The following RGS22 variants were observed in gnomAD, a reference collection of about 807,000 sequenced individuals.
The protein encoded by RGS22 is regulator of G-protein signaling 22.
A neutral mutation model predicts 172.9 loss-of-function variants in RGS22; 148 were observed. The observed-to-expected ratio is 0.86, with a 90% confidence interval of 0.75 to 0.98. The LOEUF is 0.98. Ranked by LOEUF, RGS22 falls within the 50% of genes least tolerant of loss-of-function variation. The probability of loss-of-function intolerance (pLI) is 0.00; values close to 1 mark genes in which losing one functional copy is unlikely to be tolerated. For synonymous variants in RGS22, 458 were observed against 480.2 expected (o/e 0.95, Z 0.60); for missense variants, 1,347 against 1,440.8 (o/e 0.93, Z 1.05).
chr8:100,073,026 G>A (rs1811099016), intron 4 of RGS22, among the ~76,000 whole-genome samples: 1 of 152,152 alleles, frequency 6.6e-6, no homozygotes. Flanking sequence ...CAGAATTACT[G>A]AAGAGTTACT....
At chr8:100,073,322 T>C (rs537415596) in intron 4 of RGS22, among the ~76,000 whole-genome samples, 3 of 152,166 alleles carry the variant, frequency 2.0e-5, no homozygotes, top group African/African-American at 7.2e-5. Context: ...AATGTGCTGA[T>C]GCTCATGAGG....
Position 100,062,549 on chromosome 8 carries a change from G to T in RGS22, c.1514+42C>A, listed in dbSNP as rs780357409. ...AAAAAAAGTATAACTCATAACTGGC[G>T]TAAGGAAAGTGAAAGTAAGTAACTG... is the stretch of plus-strand genomic sequence containing the variant. On this transcript the variant is annotated intron_variant, in intron 9 of 27. Transcript: ENST00000360863. The T allele has an allele frequency of 3.0e-6, 4 of 1,353,224 alleles. No individual in the cohort carries two copies. The African/African-American group carries it at 4.4e-5, about 15-fold the overall frequency. 83.8% of individuals were successfully genotyped at this position (1,353,224 alleles called of 1,614,324 possible). A position where few individuals can be genotyped will look rare whatever the true frequency, so the allele number is the denominator to read the frequency against.
chr8:100,020,129 C>A (rs1005053471), intron 14 of RGS22, among the ~76,000 whole-genome samples: 1 of 152,074 alleles, frequency 6.6e-6, no homozygotes, highest in Non-Finnish European at 1.5e-5. Flanking sequence ...GGTGATCCAC[C>A]CGCCTCGGCC....
intron 14 of RGS22, among the ~76,000 whole-genome samples, chr8:100,022,847 C>T (rs906656453): frequency 6.6e-6 from 1 of 151,968 alleles, no homozygotes; most frequent in Non-Finnish European, 1.5e-5. Context: ...TCAAGCCTAG[C>T]CTCCCGAGTA....
At chr8:99,975,630 C>T (rs1811847351) in intron 23 of RGS22, among the ~76,000 whole-genome samples, 2 of 151,570 alleles carry the variant, frequency 1.3e-5, no homozygotes, top group African/African-American at 2.4e-5. Flanking sequence ...ATTTGGGTCA[C>T]TTTCAACTTT....
At chr8:100,091,571 C>T (rs2514704) in intron 3 of RGS22, among the ~76,000 whole-genome samples, 100,864 of 152,056 alleles carry the variant, frequency 0.66, 34,334 homozygotes, top group African/African-American at 0.82. Flanking sequence ...GTTATGTCAT[C>T]TCTATAACTT....
intron 11 of RGS22, among the ~76,000 whole-genome samples, chr8:100,044,544 G>A (rs1820506783): frequency 6.6e-6 from 1 of 151,430 alleles, no homozygotes; most frequent in African/African-American, 2.4e-5. Flanking sequence ...ACCATGCCCA[G>A]CCTAAAATTC....
chr8:99,976,583 G>T (rs1406374257), intron 23 of RGS22, among the ~76,000 whole-genome samples: 1 of 152,062 alleles, frequency 6.6e-6, no homozygotes, highest in South Asian at 2.1e-4. Flanking sequence ...GGATGGTCTC[G>T]ATTTCCTGAC....
At chr8:100,071,270 G>C (rs1810950416) in intron 6 of RGS22, 99 bp downstream of exon 6, 5 of 1,058,424 alleles carry the variant, frequency 4.7e-6, no homozygotes, top group Non-Finnish European at 5.3e-6. Flanking sequence ...CCTGGTGACA[G>C]AGTGAGATCC....
intron 14 of RGS22, among the ~76,000 whole-genome samples, chr8:100,009,365 C>CAAGA (rs1816102973): frequency 1.3e-5 from 2 of 150,264 alleles, no homozygotes; most frequent in South Asian, 2.1e-4. Flanking sequence ...ATTGCGGTGG[C>CAAGA]CCAAGATCAA....
intron 2 of RGS22, among the ~76,000 whole-genome samples, chr8:100,104,360 G>A (rs1363680408): frequency 3.1e-4 from 40 of 127,124 alleles, no homozygotes; most frequent in African/African-American, 1.0e-3. Flanking sequence ...GTGTGTGTGT[G>A]TATTTTTTTT....
intron 6 of RGS22, among the ~76,000 whole-genome samples, chr8:100,069,618 G>A (rs1013523875): frequency 6.6e-6 from 1 of 152,158 alleles, no homozygotes; most frequent in Non-Finnish European, 1.5e-5. Flanking sequence ...GGAAGGAAAA[G>A]ACTCAATTTA....
At chr8:100,034,690 G>A (rs908915490) in intron 14 of RGS22, among the ~76,000 whole-genome samples, 1 of 152,148 alleles carries the variant, frequency 6.6e-6, no homozygotes, top group Admixed American at 6.6e-5. Flanking sequence ...AAAGCTGGAG[G>A]CATCACGCTA....
At chr8:100,039,536 C>A (rs1192345470) in intron 13 of RGS22, among the ~76,000 whole-genome samples, 1 of 151,970 alleles carries the variant, frequency 6.6e-6, no homozygotes. Context: ...ACCACCACGC[C>A]CAGCTAATTT....
At position 100,008,463 on chromosome 8, in the gene RGS22, AG is replaced by A; in HGVS notation, c.2272del (p.Leu758PhefsTer21). ...GATATATTCCTCTGCTGTGTCAAAA[AG>A]GTCTTCAAATGGTGGCTGTATTTTC... The part of the protein sequence containing the change: ...YMKIQPPFED[L>X]FDTAEEYILL... On this transcript the variant is annotated frameshift_variant, in exon 15 of 28. Transcript: ENST00000360863. LOFTEE classifies it high-confidence loss of function. The A allele has an allele frequency of 1.2e-6, 2 of 1,613,810 alleles. No homozygotes were observed. Among genetic ancestry groups the A allele is most frequent in the Non-Finnish European group, 1.7e-6 (2 of 1,179,860 alleles).
intron 9 of RGS22, among the ~76,000 whole-genome samples, chr8:100,056,149 C>T (rs921961005): frequency 2.0e-5 from 3 of 152,170 alleles, no homozygotes; most frequent in African/African-American, 7.2e-5. Context: ...GCAAAGGTGA[C>T]TCTTGCTATG....
rs1815421742 is a variant in RGS22, at chr8:100,004,172, G to A, written c.2455-74C>T. ...GTTTACAATTTTAAGTAGAGAAACT[G>A]AAAGAAAAATCAACCATTAGGCCAA... On this transcript the variant is annotated intron_variant, in intron 16 of 27. Coordinates refer to ENST00000360863, the MANE Select transcript of RGS22 (RefSeq NM_015668.5). The A allele has an allele frequency of 4.2e-6, 6 of 1,436,194 alleles. No individual in the cohort carries two copies. The Admixed American group carries it at 1.2e-4, about 30-fold the overall frequency. The allele number at this position is 1,436,194 out of a possible 1,614,324, so 89.0% of individuals were successfully genotyped here. A position where few individuals can be genotyped will look rare whatever the true frequency, so the allele number is the denominator to read the frequency against.
intron 4 of RGS22, 36 bp downstream of exon 4, chr8:100,080,098 A>C (rs761980242): frequency 7.1e-7 from 1 of 1,404,030 alleles, no homozygotes; most frequent in South Asian, 1.2e-5. Context: ...CAAATGCTTT[A>C]TCTATCTAAC....
intron 14 of RGS22, among the ~76,000 whole-genome samples, chr8:100,013,931 T>C (rs893310652): frequency 1.3e-5 from 2 of 152,160 alleles, no homozygotes; most frequent in African/African-American, 4.8e-5. Context: ...GACTCCATTA[T>C]AGACTTCAAA....
Sources: gnomAD v4.1 joint callset for allele counts (sites outside exome capture counted in the v4.1 genomes callset) on GRCh38, gnomAD v4.1.1 for gene constraint, MANE v1.5 for transcripts, NCBI Gene and HGNC (gene_info 2026-07-23, HGNC 2026-07-21) for gene names.